The following DROSHA variants were observed in gnomAD, a reference collection of about 807,000 sequenced individuals.
DROSHA encodes the protein ribonuclease 3.
DROSHA carries 56 observed loss-of-function variants against 181.9 expected under a neutral mutation model. The ratio of observed to expected loss-of-function variants is 0.31; its 90% CI spans 0.25 to 0.38. The LOEUF (loss-of-function observed/expected upper bound fraction) is 0.38, where lower values mean the gene tolerates loss of function less well. Ranked by LOEUF, DROSHA falls within the 10% of genes least tolerant of loss-of-function variation. The pLI is 1.00. For synonymous variants in DROSHA, 524 were observed against 591.2 expected (o/e 0.89, Z 1.65); for missense variants, 1,218 against 1,743.5 (o/e 0.70, Z 5.37).
intron 15 of DROSHA, among the ~76,000 whole-genome samples, chr5:31,484,379 TCAAAAAAAAAAAAA>T (rs1561233605): frequency 2.4e-4 from 5 of 20,464 alleles, no homozygotes; most frequent in Middle Eastern, 0.071. Context: ...AGACTCCGTC[TCAAAAAAAAAAAAA>T]AAAAAAAAAA....
intron 11 of DROSHA, among the ~76,000 whole-genome samples, chr5:31,498,978 C>T (rs1459773945): frequency 6.6e-6 from 1 of 152,128 alleles, no homozygotes; most frequent in East Asian, 1.9e-4. Context: ...CCACGCAGAC[C>T]CACGTTCAAG....
intron 11 of DROSHA, among the ~76,000 whole-genome samples, chr5:31,497,073 T>G (rs1257762535): frequency 6.6e-6 from 1 of 152,184 alleles, no homozygotes; most frequent in Non-Finnish European, 1.5e-5. Context: ...ATTCCACAGC[T>G]TGAAGGCCTA....
chr5:31,421,218 T>A, intron 30 of DROSHA, 54 bp downstream of exon 30: 1 of 1,409,564 alleles, frequency 7.1e-7, no homozygotes, highest in South Asian at 1.2e-5. Context: ...ACCCCTCTAA[T>A]CTTCACTCTG....
intron 13 of DROSHA, among the ~76,000 whole-genome samples, chr5:31,491,357 C>T (rs1420508427): frequency 6.6e-6 from 1 of 152,116 alleles, no homozygotes; most frequent in African/African-American, 2.4e-5. Flanking sequence ...CCCACTAATA[C>T]CCTAATCTTA....
At chr5:31,472,262 G>C in intron 16 of DROSHA, 30 bp from the exon 17 acceptor site, 2 of 1,543,416 alleles carry the variant, frequency 1.3e-6, no homozygotes, top group Non-Finnish European at 1.7e-6. Flanking sequence ...GGAGAGAAGG[G>C]GAAAAATAAG....
intron 10 of DROSHA, 87 bp downstream of exon 10, chr5:31,508,534 C>T: frequency 6.4e-7 from 1 of 1,574,706 alleles, no homozygotes; most frequent in South Asian, 1.2e-5. Context: ...AGTTTCAATA[C>T]TAGGCAACAT....
intron 21 of DROSHA, among the ~76,000 whole-genome samples, chr5:31,450,072 A>T (rs951854199): frequency 1.3e-5 from 2 of 152,226 alleles, no homozygotes; most frequent in African/African-American, 4.8e-5. Context: ...AATGTTCAAC[A>T]TCACTAATCA....
intron 11 of DROSHA, among the ~76,000 whole-genome samples, chr5:31,498,064 T>C (rs936281008): frequency 6.6e-6 from 1 of 152,220 alleles, no homozygotes; most frequent in African/African-American, 2.4e-5. Flanking sequence ...GAGTTTAAAC[T>C]ATTCTTGTAA....
chr5:31,402,718 T>C (rs1740166025), intron 35 of DROSHA, among the ~76,000 whole-genome samples: 1 of 151,980 alleles, frequency 6.6e-6, no homozygotes, highest in Non-Finnish European at 1.5e-5. Flanking sequence ...AGGGACAGGG[T>C]GGTAGGAAAA....
At chr5:31,465,726 T>C (rs1232257367) in intron 19 of DROSHA, among the ~76,000 whole-genome samples, 1 of 128,212 alleles carries the variant, frequency 7.8e-6, no homozygotes, top group Non-Finnish European at 1.9e-5. Context: ...TGAGTTCATG[T>C]GAGATCTGCT....
chr5:31,465,612 T>A (rs897508852), intron 19 of DROSHA, among the ~76,000 whole-genome samples: 3 of 152,220 alleles, frequency 2.0e-5, no homozygotes, highest in Non-Finnish European at 4.4e-5. Context: ...CCTCCAAATT[T>A]CACATTGAAA....
Position 31,401,376 on chromosome 5 carries a change from T to C in DROSHA, c.*56A>G, listed in dbSNP as rs1182390965. On this transcript the variant is annotated 3_prime_UTR_variant, in exon 36 of 36. Transcript: ENST00000344624. ...GCAGGAAAACTAGGCTAGGTCTCAA[T>C]AGACAACAGTCACAGTTACTGAGCA... is the stretch of plus-strand genomic sequence containing the variant. 10 of 1,596,010 alleles carry C rather than the reference T, an allele frequency of 6.3e-6. No homozygotes were observed. The highest frequency in any genetic ancestry group is 2.3e-5 in the East Asian group (1 of 43,544).
chr5:31,410,659 A>G, intron 31 of DROSHA, 87 bp downstream of exon 31: 1 of 1,486,682 alleles, frequency 6.7e-7, no homozygotes, highest in Non-Finnish European at 9.0e-7. Context: ...TAGCCAGAAC[A>G]TAATAATAAT....
intron 30 of DROSHA, among the ~76,000 whole-genome samples, chr5:31,416,544 T>C (rs7719850): frequency 0.035 from 5,253 of 151,314 alleles, 299 homozygotes; most frequent in African/African-American, 0.12. Context: ...GGGGGCGGGA[T>C]GGGTAAGGGT....
chr5:31,523,899 C>T (rs895449078), intron 5 of DROSHA, among the ~76,000 whole-genome samples: 33 of 149,966 alleles, frequency 2.2e-4, no homozygotes, highest in African/African-American at 7.4e-4. Flanking sequence ...CGCTTGAACC[C>T]GGGAGGCAGA....
At chr5:31,438,089 CTGT>C (rs1349189230) in intron 23 of DROSHA, among the ~76,000 whole-genome samples, 2 of 152,200 alleles carry the variant, frequency 1.3e-5, no homozygotes, top group African/African-American at 4.8e-5. Flanking sequence ...ATCCCACAGG[CTGT>C]TATTTTCTCA....
chr5:31,495,520 T>G (rs978609308), intron 11 of DROSHA, 148 bp from the exon 12 acceptor site: 9 of 727,042 alleles, frequency 1.2e-5, no homozygotes, highest in Non-Finnish European at 2.0e-5. Flanking sequence ...GTATTGGCTT[T>G]GCCATACCTA....
At chr5:31,403,219 T>TA (rs1270570087) in intron 35 of DROSHA, among the ~76,000 whole-genome samples, 1 of 152,202 alleles carries the variant, frequency 6.6e-6, no homozygotes, top group Non-Finnish European at 1.5e-5. Flanking sequence ...CAAACCCCAC[T>TA]AAGCTGTAAA....
At chr5:31,516,802 C>T (rs1739318968) in intron 6 of DROSHA, among the ~76,000 whole-genome samples, 2 of 152,130 alleles carry the variant, frequency 1.3e-5, no homozygotes, top group Non-Finnish European at 2.9e-5. Context: ...TTAATAGGTA[C>T]ATTATTATTC....
Sources: gnomAD v4.1 joint callset for allele counts (sites outside exome capture counted in the v4.1 genomes callset) on GRCh38, gnomAD v4.1.1 for gene constraint, MANE v1.5 for transcripts, NCBI Gene and HGNC (gene_info 2026-07-23, HGNC 2026-07-21) for gene names.